The following CSMD2 variants were observed in gnomAD, a reference collection of about 807,000 sequenced individuals.
CSMD2 encodes the protein CUB and Sushi multiple domains 2.
Under a neutral mutation model 398.5 loss-of-function variants are expected in CSMD2, and 130 were observed. That is an observed-to-expected ratio of 0.33 (90% CI 0.28 to 0.38). The LOEUF (loss-of-function observed/expected upper bound fraction) is 0.38. CSMD2 is among the 10% of genes least tolerant of loss of function. The pLI is 1.00. For synonymous variants in CSMD2, 1,828 were observed against 1,908.5 expected (o/e 0.96, Z 1.10); for missense variants, 3,829 against 4,764.9 (o/e 0.80, Z 5.78).
At chr1:34,155,932 T>C (rs1465130404) in intron 1 of CSMD2, among the ~76,000 whole-genome samples, 2 of 152,220 alleles carry the variant, frequency 1.3e-5, no homozygotes, top group African/African-American at 4.8e-5. Context: ...ACGATTGGCT[T>C]CTGTTCACAT....
chr1:34,050,944 G>T (rs1335638124), intron 2 of CSMD2, among the ~76,000 whole-genome samples: 1 of 152,110 alleles, frequency 6.6e-6, no homozygotes, highest in Admixed American at 6.5e-5. Flanking sequence ...CTTAGTTCCA[G>T]GTGTCACAAC....
At position 33,743,461 on chromosome 1, in the gene CSMD2, G is replaced by C; in HGVS notation, c.1992C>G (p.Asp664Glu). The C allele has an allele frequency of 1.2e-6, 2 of 1,614,206 alleles. No individual in the cohort carries two copies. Among genetic ancestry groups the C allele is most frequent in the Non-Finnish European group, 1.7e-6 (2 of 1,180,056 alleles). Residue 664 changes from aspartate to glutamate, a missense_variant, in exon 14 of 71, where the codon GAC (aspartate) becomes GAG (glutamate). Asp to Glu is a conservative substitution (Grantham distance 45). Around this residue, in one of 5 missense-constraint regions of CSMD2, gnomAD observed 2,001 missense variants for 2,567.1 expected, o/e 0.78. Coordinates refer to ENST00000373381, the MANE Select transcript of CSMD2 (RefSeq NM_001281956.2). ...SRIHLAFNDI[D>E]VEPQFDFLVI... ...CCAGGAAATCAAACTGAGGCTCCAC[G>C]TCAATGTCGTTGAAGGCCAGGTGGA...
At chr1:33,678,846 A>G (rs538402444) in intron 25 of CSMD2, among the ~76,000 whole-genome samples, 17 of 152,346 alleles carry the variant, frequency 1.1e-4, no homozygotes, top group African/African-American at 4.1e-4. Flanking sequence ...CTGGCATGCA[A>G]AAGAAATAAA....
At chr1:34,050,595 A>G (rs1653065406) in intron 2 of CSMD2, among the ~76,000 whole-genome samples, 1 of 152,200 alleles carries the variant, frequency 6.6e-6, no homozygotes, top group South Asian at 2.1e-4. Flanking sequence ...CAGCGCTGGG[A>G]CAAGGTTCTC....
chr1:33,858,256 C>G (rs1639237031), intron 5 of CSMD2, among the ~76,000 whole-genome samples: 1 of 152,218 alleles, frequency 6.6e-6, no homozygotes, highest in South Asian at 2.1e-4. Flanking sequence ...TAGATCTATC[C>G]AGAATGAGGA....
At chr1:33,520,100 G>T (rs1286094606) in intron 68 of CSMD2, 150 bp from the exon 69 acceptor site, 4 of 856,922 alleles carry the variant, frequency 4.7e-6, no homozygotes, top group Non-Finnish European at 7.2e-6. Flanking sequence ...GTGTGCCCAG[G>T]GCTGCCCGCC....
intron 1 of CSMD2, 140 bp from the exon 2 acceptor site, chr1:34,089,333 A>C (rs377635770): frequency 1.3e-6 from 1 of 763,158 alleles, no homozygotes; most frequent in African/African-American, 1.7e-5. Context: ...CTTGGCACCG[A>C]GGGAGGTACA....
At position 33,569,525 on chromosome 1, in the gene CSMD2, C is replaced by T. The variant is rs762804294; in HGVS notation, c.7980G>A (p.Pro2660=). Residue 2660 remains proline (P), a synonymous_variant, in exon 52 of 71, where the codon CCG becomes CCA. Transcript: ENST00000373381. Reference sequence around the variant, plus strand: ...CGATGCGGTGGCCATTGGGGGGAATCGGGAGCTCTCCACAGGAGATGACTA... The same window carrying T: ...CGATGCGGTGGCCATTGGGGGGAATTGGGAGCTCTCCACAGGAGATGACTA... ...TCRIISCGEL[P]IPPNGHRIGT... The T allele has an allele frequency of 3.8e-5, 62 of 1,613,924 alleles. No individual in the cohort carries two copies. Among genetic ancestry groups the T allele is most frequent in the Admixed American group, 8.3e-5 (5 of 59,994 alleles).
chr1:33,584,915 A>T (rs1471910988), intron 46 of CSMD2, among the ~76,000 whole-genome samples: 1 of 152,068 alleles, frequency 6.6e-6, no homozygotes, highest in Non-Finnish European at 1.5e-5. Context: ...AGGATTCGTT[A>T]TTTCGTCATC....
chr1:33,960,002 C>T (rs533315373), intron 3 of CSMD2, among the ~76,000 whole-genome samples: 8 of 152,222 alleles, frequency 5.3e-5, no homozygotes, highest in Non-Finnish European at 1.0e-4. Context: ...GGCAACTTGA[C>T]TTTCGGCCCC....
chr1:33,993,720 C>T (rs1167739097), intron 3 of CSMD2, among the ~76,000 whole-genome samples: 1 of 152,122 alleles, frequency 6.6e-6, no homozygotes, highest in Non-Finnish European at 1.5e-5. Flanking sequence ...CTATCTATTC[C>T]TATCACATTA....
rs1281946458 is a variant in CSMD2, at chr1:33,541,196, G to A, written c.9391C>T (p.His3131Tyr). 6.8e-6 allele frequency: 11 copies of A among 1,613,872 alleles called. No homozygotes were observed. Among genetic ancestry groups the A allele is most frequent in the South Asian group, 1.1e-5 (1 of 91,082 alleles). Residue 3131 changes from histidine to tyrosine, a missense_variant, in exon 59 of 71, where the codon CAT becomes TAT. This residue lies in a region of CSMD2 where 917 missense variants were observed against 1,199.5 expected (regional missense o/e 0.76). Coordinates refer to ENST00000373381, the MANE Select transcript of CSMD2 (RefSeq NM_001281956.2). ...GTGCAGCTCAGCACAGATACTCTAT[G>A]TGACTCCATCATATAGCCAGGGACA... is the stretch of plus-strand genomic sequence containing the variant. Reference protein sequence around the residue: ...QCVPGYMMESHRVSVLSCTKD... With the variant: ...QCVPGYMMESYRVSVLSCTKD...
intron 6 of CSMD2, among the ~76,000 whole-genome samples, chr1:33,831,283 G>T (rs1322036125): frequency 6.6e-6 from 1 of 152,188 alleles, no homozygotes; most frequent in Non-Finnish European, 1.5e-5. Flanking sequence ...TACCCACAAA[G>T]GGAAGCCCAT....
At chr1:33,875,266 G>T (rs1410013426) in intron 5 of CSMD2, among the ~76,000 whole-genome samples, 1 of 152,202 alleles carries the variant, frequency 6.6e-6, no homozygotes, top group Non-Finnish European at 1.5e-5. Context: ...CAAACATAAG[G>T]GGCGGGGGAA....
intron 3 of CSMD2, among the ~76,000 whole-genome samples, chr1:33,996,599 C>T (rs369137593): frequency 6.6e-6 from 1 of 152,198 alleles, no homozygotes; most frequent in Non-Finnish European, 1.5e-5. Context: ...AAGGGGCCAC[C>T]CCTCTAGGCA....
rs187703752 is a variant in CSMD2, at chr1:33,833,435, T to C, written c.1034-7661A>G. Among the ~76,000 whole-genome samples, 917 of 151,198 alleles carry C rather than the reference T, an allele frequency of 6.1e-3. 9 individuals are homozygous for C. Among genetic ancestry groups the C allele is most frequent in the African/African-American group, 0.022 (885 of 40,952 alleles). ...ATCTCAATAGGGGCAGAAAAGGCCT[T>C]TGACAAAATTCAACAACCCTTCATG... On this transcript the variant is annotated intron_variant, in intron 6 of 70. Transcript: ENST00000373381.
Position 33,537,903 on chromosome 1 carries a change from C to CT in CSMD2, c.9632-295dup. Among the ~76,000 whole-genome samples the CT allele has an allele frequency of 6.6e-6, 1 of 152,354 alleles. No individual in the cohort carries two copies. The highest frequency in any genetic ancestry group is 2.1e-4 in the South Asian group (1 of 4,830). On this transcript the variant is annotated intron_variant, in intron 60 of 70. Coordinates refer to ENST00000373381, the MANE Select transcript of CSMD2 (RefSeq NM_001281956.2). The surrounding 1 kb of genome is among the most constrained non-coding windows in gnomAD (Gnocchi z 4.6). ...TAAACGAAAATCCCACTATTCAAAA[C>CT]TTTTTTTCCATTTTCACGCACATTC... is the stretch of plus-strand genomic sequence containing the variant.
rs371456041 is a variant in CSMD2, at chr1:33,972,735, T to C, written c.518-36781A>G. 5.2e-4 allele frequency among the ~76,000 whole-genome samples: 79 copies of C among 152,310 alleles called. 2 individuals are homozygous for C. In the East Asian group the frequency reaches 8.3e-3, roughly 16 times the overall value. ...CTTGACTGTAGCTCAGTGAGTCTGATTGTGGACTTCTGGCCTCCGGAACTG... is the reference window on the plus strand; with the variant it reads ...CTTGACTGTAGCTCAGTGAGTCTGACTGTGGACTTCTGGCCTCCGGAACTG... On this transcript the variant is annotated intron_variant, in intron 3 of 70. Transcript: ENST00000373381.
In CSMD2 at chr1:33,537,366, C is replaced by T; in HGVS notation, c.9805+70G>A. 6.7e-7 allele frequency: 1 copy of T among 1,485,560 alleles called. No individual in the cohort carries two copies. The highest frequency in any genetic ancestry group is 1.3e-5 in the South Asian group (1 of 78,592). The allele number at this position is 1,485,560 out of a possible 1,614,324, so 92.0% of individuals were successfully genotyped here. On this transcript the variant is annotated intron_variant, in intron 61 of 70. Transcript: ENST00000373381. This position sits in a 1 kb window ranked among gnomAD's most constrained non-coding sequence, Gnocchi z 4.6. ...ACTGAAGACAGGGAAGGAAAGTAAT[C>T]ATCTCAGGCCCAAAAGAAGGTCTCC...
Sources: gnomAD v4.1 joint callset for allele counts (sites outside exome capture counted in the v4.1 genomes callset) on GRCh38, gnomAD v4.1.1 for gene constraint, gnomAD v4.1.1 regional missense constraint, Gnocchi (gnomAD v3.1) non-coding constraint, MANE v1.5 for transcripts, NCBI Gene and HGNC (gene_info 2026-07-23, HGNC 2026-07-21) for gene names.